Variants in ZFHX3 observed in about 807,000 individuals in gnomAD.
ZFHX3 encodes zinc finger homeobox protein 3.
In ZFHX3, 42 loss-of-function variants were observed where a neutral mutation model predicts 279.1. The observed-to-expected ratio is 0.15, with a 90% CI of 0.12 to 0.19. The LOEUF (loss-of-function observed/expected upper bound fraction) is 0.19. Ranked by LOEUF, ZFHX3 falls within the 10% of genes least tolerant of loss-of-function variation. The pLI, the probability that ZFHX3 is intolerant of heterozygous loss-of-function variation, is 1.00. For synonymous variants in ZFHX3, 2,293 were observed against 1,957.8 expected (o/e 1.17, Z -4.52); for missense variants, 4,981 against 4,754.0 (o/e 1.05, Z -1.40).
At chr16:73,348,052 A>G (rs1424980609) in intron 3 of ZFHX3, among the ~76,000 whole-genome samples, 1 of 152,162 alleles carries the variant, frequency 6.6e-6, no homozygotes, top group East Asian at 1.9e-4. Context: ...CTTTTAAAGG[A>G]ACTGTGTGAC....
intron 3 of ZFHX3, among the ~76,000 whole-genome samples, chr16:73,384,381 T>A (rs2016864360): frequency 6.6e-6 from 1 of 152,254 alleles, no homozygotes; most frequent in Non-Finnish European, 1.5e-5. Context: ...GGCAACGTCC[T>A]GGATTTAGCA....
intron 2 of ZFHX3, among the ~76,000 whole-genome samples, chr16:73,651,717 TGG>T (rs1417241621): frequency 8.5e-6 from 1 of 118,040 alleles, no homozygotes; most frequent in Non-Finnish European, 1.7e-5. Context: ...AAGCCGGGCG[TGG>T]TGGCAGGCTC....
intron 1 of ZFHX3, among the ~76,000 whole-genome samples, chr16:73,801,311 C>G (rs1960139395): frequency 6.6e-6 from 1 of 152,156 alleles, no homozygotes; most frequent in Non-Finnish European, 1.5e-5. Context: ...TATTGAGCCC[C>G]TAACACAGGG....
chr16:73,785,399 T>C lies in ZFHX3; in HGVS notation c.-1607-105159A>G, dbSNP rs368936786. Among the ~76,000 whole-genome samples the C allele has an allele frequency of 2.5e-4, 38 of 152,332 alleles. No homozygotes were observed. The East Asian group carries it at 3.9e-3, about 15-fold the overall frequency. ...TAAATACATCAGACAATCTATCTTA[T>C]ATATCCTAGTCATTTTTTGTTTCTC... On this transcript the variant is annotated intron_variant, in intron 1 of 17. Coordinates refer to the ZFHX3 transcript ENST00000641206.
At chr16:73,049,512 T>C (rs540237541), upstream of ZFHX3, among the ~76,000 whole-genome samples, 146 of 152,342 alleles carry the variant, frequency 9.6e-4, no homozygotes, top group Non-Finnish European at 1.5e-3. Context: ...TGGGTTCAGA[T>C]TAATGTAAGT....
chr16:73,303,841 G>A (rs145967683), intron 4 of ZFHX3, among the ~76,000 whole-genome samples: 90 of 151,992 alleles, frequency 5.9e-4, no homozygotes, highest in Non-Finnish European at 6.3e-4. Context: ...CTACAAATGT[G>A]GCACCCTCGA....
At chr16:73,349,636 CCCTCCCTCCCTCT>C (rs2016189769) in intron 3 of ZFHX3, among the ~76,000 whole-genome samples, 3 of 58,876 alleles carry the variant, frequency 5.1e-5, no homozygotes, top group East Asian at 5.6e-4. Context: ...CTCCCTCCCT[CCCTCCCTCCCTCT>C]CTCCCTCCTT....
intron 2 of ZFHX3, among the ~76,000 whole-genome samples, chr16:73,563,883 A>G (rs2020412638): frequency 6.6e-6 from 1 of 152,200 alleles, no homozygotes; most frequent in East Asian, 1.9e-4. Context: ...CAAAACACCC[A>G]AAGAAAAATG....
chr16:72,809,515 C>T (rs1054970423), intron 7 of ZFHX3: 8 of 151,272 alleles, frequency 5.3e-5, no homozygotes, highest in Non-Finnish European at 1.0e-4. Flanking sequence ...TTTGAAAATA[C>T]CCACAGAAAG....
In ZFHX3 at chr16:72,787,692, C is replaced by T. The variant is rs377246983; in HGVS notation, c.10584G>A (p.Ser3528=). 6.9e-6 allele frequency: 10 copies of T among 1,442,036 alleles called. No homozygotes were observed. The highest frequency in any genetic ancestry group is 3.6e-5 in the South Asian group (2 of 55,848). The allele number at this position is 1,442,036 out of a possible 1,614,324, so 89.3% of individuals were successfully genotyped here. Residue 3528 remains serine (S), a synonymous_variant, in exon 10 of 10, where the codon TCG becomes TCA. Coordinates refer to ENST00000268489, the MANE Select transcript of ZFHX3 (RefSeq NM_006885.4). The stretch of plus-strand genomic sequence containing the variant: ...CGCTCTCGCACGCCAGGCAGTGGTA[C>T]GAGCCGCCGCCGCCGCCGCCGCCGC... ...GGGGGGGGGG[S]YHCLACESAL... is the part of the protein sequence containing the mutation.
At chr16:73,272,953 CCTGGGCTGGTCTTGAACTA>C (rs952812298) in intron 4 of ZFHX3, among the ~76,000 whole-genome samples, 1 of 152,040 alleles carries the variant, frequency 6.6e-6, no homozygotes, top group Admixed American at 6.6e-5. Flanking sequence ...CCCTATGTTT[CCTGGGCTGGTCTTGAACTA>C]CTGGGCTCAA....
intron 8 of ZFHX3, among the ~76,000 whole-genome samples, chr16:73,066,047 C>T (rs776682468): frequency 9.9e-5 from 15 of 152,238 alleles, no homozygotes; most frequent in Non-Finnish European, 1.5e-4. Flanking sequence ...AGCGCACTGA[C>T]TGGGGCTCTG....
chr16:73,020,957 T>C (rs1457034016), intron 1 of ZFHX3, among the ~76,000 whole-genome samples: 1 of 152,118 alleles, frequency 6.6e-6, no homozygotes, highest in African/African-American at 2.4e-5. Context: ...GCTTTTCTCA[T>C]CTACAAAATG....
At chr16:73,432,138 C>T (rs1015035264) in intron 3 of ZFHX3, among the ~76,000 whole-genome samples, 24 of 152,134 alleles carry the variant, frequency 1.6e-4, no homozygotes, top group Admixed American at 1.3e-3. Context: ...AATAGAGTCT[C>T]GTGGTCTTCA....
intron 3 of ZFHX3, among the ~76,000 whole-genome samples, chr16:73,411,854 CCTT>C (rs1164559198): frequency 6.6e-6 from 1 of 152,142 alleles, no homozygotes; most frequent in Non-Finnish European, 1.5e-5. Context: ...CTGCCTGTCT[CCTT>C]AGACATTTGA....
intron 2 of ZFHX3, among the ~76,000 whole-genome samples, chr16:73,546,866 TTTTA>T (rs2020124151): frequency 6.6e-6 from 1 of 152,014 alleles, no homozygotes; most frequent in Non-Finnish European, 1.5e-5. Flanking sequence ...GATTCACATG[TTTTA>T]TTTATTTGTT....
intron 7 of ZFHX3, among the ~76,000 whole-genome samples, chr16:73,124,626 G>A (rs774109111): frequency 2.0e-5 from 3 of 152,134 alleles, no homozygotes; most frequent in African/African-American, 4.8e-5. Flanking sequence ...GAACTGTGTC[G>A]GCCAGGGTCA....
chr16:73,292,209 A>G lies in ZFHX3; in HGVS notation c.-1194+26031T>C, dbSNP rs1325942600. Among the ~76,000 whole-genome samples the G allele has an allele frequency of 2.0e-5, 3 of 152,346 alleles. No individual in the cohort carries two copies. The East Asian group carries it at 5.8e-4, about 29-fold the overall frequency. ...AAATTTATTATTAACAAGAGAAAGA[A>G]GTGGAATCAGGGCAGGTTAATGACC... is the stretch of plus-strand genomic sequence containing the variant. On this transcript the variant is annotated intron_variant, in intron 4 of 17. Coordinates refer to the ZFHX3 transcript ENST00000641206.
chr16:73,156,064 C>G (rs1489605008), intron 5 of ZFHX3, among the ~76,000 whole-genome samples: 2 of 151,558 alleles, frequency 1.3e-5, no homozygotes, highest in African/African-American at 4.8e-5. Flanking sequence ...AACCCCATCT[C>G]TACTAAAAAT....
Sources: allele counts gnomAD v4.1 joint callset (sites outside exome capture counted in the v4.1 genomes callset), GRCh38; gene constraint gnomAD v4.1.1; transcripts MANE v1.5; gene names NCBI Gene and HGNC (gene_info 2026-07-23, HGNC 2026-07-21).